The following UBE3A variants were observed in gnomAD, a reference collection of about 807,000 sequenced individuals.
UBE3A encodes the protein ubiquitin protein ligase E3A.
In UBE3A, 6 loss-of-function variants were observed where a neutral mutation model predicts 83.4. That is an observed-to-expected ratio of 0.07 (90% CI 0.04 to 0.14). The LOEUF (loss-of-function observed/expected upper bound fraction) is 0.14, where lower values mean the gene tolerates loss of function less well. Among genes scored for constraint, UBE3A ranks in the 10% least tolerant of loss-of-function variants. The pLI is 1.00. For missense variants in UBE3A, 456 were observed against 1,036.1 expected (o/e 0.44, Z 7.69); for synonymous variants, 337 against 355.4 (o/e 0.95, Z 0.58).
chr15:25,431,333 A>G (rs570638650), intron 1 of UBE3A, among the ~76,000 whole-genome samples: 43 of 152,100 alleles, frequency 2.8e-4, no homozygotes, highest in Non-Finnish European at 4.7e-4. Context: ...GATCTTAAAC[A>G]GCATATTTTC....
At chr15:25,386,489 A>C (rs191625936) in intron 4 of UBE3A, among the ~76,000 whole-genome samples, 122 of 152,340 alleles carry the variant, frequency 8.0e-4, no homozygotes, top group East Asian at 3.9e-4. Flanking sequence ...TGAAAATCCT[A>C]AGAACCAAAA....
At position 25,438,970 on chromosome 15, in the gene UBE3A, C is replaced by G. The variant is rs2153196403; in HGVS notation, c.-646G>C. ...TCCTGTAGTCACCCCGAGCCCAGCG[C>G]CACCATCTTGGGAGACACACGGATC... On this transcript the variant is annotated 5_prime_UTR_variant, in exon 1 of 13. Transcript: ENST00000648336. The G allele has an allele frequency of 6.6e-6, 1 of 152,252 alleles. No homozygotes were observed. Among genetic ancestry groups the G allele is most frequent in the South Asian group, 2.1e-4 (1 of 4,830 alleles). 9.4% of individuals were successfully genotyped at this position (152,252 alleles called of 1,614,324 possible). A position where few individuals can be genotyped will look rare whatever the true frequency, so the allele number is the denominator to read the frequency against.
intron 4 of UBE3A, among the ~76,000 whole-genome samples, chr15:25,392,883 A>T (rs545428800): frequency 6.6e-6 from 1 of 152,314 alleles, no homozygotes; most frequent in East Asian, 1.9e-4. Context: ...ATGATAAGTA[A>T]TTCTTTTTTT....
Position 25,356,060 on chromosome 15 carries a change from G to A in UBE3A, c.1960-4C>T. Reference sequence around the variant, plus strand: ...CTTTTAAACTCTGATATAGAACCTAGCAACCAGAAATGGTAAATTGAGGCC... The same window carrying A: ...CTTTTAAACTCTGATATAGAACCTAACAACCAGAAATGGTAAATTGAGGCC... On this transcript the variant is annotated splice_region_variant and splice_polypyrimidine_tract_variant and intron_variant, in intron 8 of 12. Coordinates refer to ENST00000648336, the MANE Select transcript of UBE3A (RefSeq NM_130839.5). The A allele has an allele frequency of 1.9e-6, 3 of 1,613,476 alleles. No homozygotes were observed. Among genetic ancestry groups the A allele is most frequent in the Non-Finnish European group, 2.5e-6 (3 of 1,179,728 alleles).
intron 3 of UBE3A, among the ~76,000 whole-genome samples, chr15:25,406,657 T>G (rs2088620085): frequency 6.6e-6 from 1 of 150,840 alleles, no homozygotes; most frequent in Non-Finnish European, 1.5e-5. Context: ...CTTCCAACTT[T>G]AAGCAACTCT....
intron 6 of UBE3A, among the ~76,000 whole-genome samples, chr15:25,365,751 A>AC (rs1290709809): frequency 3.3e-5 from 5 of 151,616 alleles, no homozygotes; most frequent in African/African-American, 1.2e-4. Context: ...CCGTCTAAAA[A>AC]AAAAAAAAAA....
chr15:25,352,364 T>C (rs553660638), intron 11 of UBE3A, among the ~76,000 whole-genome samples: 24 of 152,360 alleles, frequency 1.6e-4, no homozygotes, highest in African/African-American at 5.8e-4. Flanking sequence ...ACCCCAGAGA[T>C]ACTGCCGGTT....
chr15:25,401,185 T>C (rs2086989441), intron 4 of UBE3A, among the ~76,000 whole-genome samples: 1 of 152,192 alleles, frequency 6.6e-6, no homozygotes, highest in African/African-American at 2.4e-5. Context: ...TAAATGATCC[T>C]TCTAATACAC....
At chr15:25,375,235 A>T (rs933497681) in intron 5 of UBE3A, 2 of 534,420 alleles carry the variant, frequency 3.7e-6, no homozygotes, top group African/African-American at 1.9e-5. Context: ...AAAAAGTTCA[A>T]ATCAATCTAT....
chr15:25,350,282 CAG>C (rs909223104), intron 11 of UBE3A, among the ~76,000 whole-genome samples: 3 of 150,978 alleles, frequency 2.0e-5, no homozygotes, highest in East Asian at 1.9e-4. Flanking sequence ...GCCTGGATGA[CAG>C]AGACTTTGTC....
At position 25,380,250 on chromosome 15, in the gene UBE3A, T is replaced by C. The variant is rs535677915; in HGVS notation, c.63-4487A>G. 2.4e-4 allele frequency among the ~76,000 whole-genome samples: 36 copies of C among 152,218 alleles called. No homozygotes were observed. The East Asian group carries it at 2.7e-3, about 11-fold the overall frequency. On this transcript the variant is annotated intron_variant, in intron 4 of 12. Coordinates refer to ENST00000648336, the MANE Select transcript of UBE3A (RefSeq NM_130839.5). ...AGTCCAATTAAACTTCTTTTTTTTT[T>C]CCCAGTCTCAGGTACGTCTTTATCA...
chr15:25,389,932 AG>A (rs1036362547), intron 4 of UBE3A, among the ~76,000 whole-genome samples: 1 of 152,002 alleles, frequency 6.6e-6, no homozygotes, highest in Non-Finnish European at 1.5e-5. Context: ...AGACAGTGTA[AG>A]GAACTCTTAA....
rs116472569 is a variant in UBE3A, at chr15:25,435,550, G to T, written c.-165+2939C>A. ...TAATGGAATTAATGCCTCTATAAAA[G>T]AGGCCCTATAGAGCCCCGTCTACTC... On this transcript the variant is annotated intron_variant, in intron 1 of 12. Transcript: ENST00000648336. 7.2e-3 allele frequency among the ~76,000 whole-genome samples: 1,101 copies of T among 152,176 alleles called. 16 individuals carry two copies. Among genetic ancestry groups the T allele is most frequent in the African/African-American group, 0.026 (1,059 of 41,502 alleles).
intron 1 of UBE3A, among the ~76,000 whole-genome samples, chr15:25,436,059 C>T (rs1894988778): frequency 1.3e-5 from 2 of 152,164 alleles, no homozygotes; most frequent in South Asian, 4.2e-4. Context: ...ATTAATAAGG[C>T]CAGAATTAAA....
intron 1 of UBE3A, among the ~76,000 whole-genome samples, chr15:25,429,073 T>C (rs1014632354): frequency 6.6e-6 from 1 of 152,088 alleles, no homozygotes; most frequent in Non-Finnish European, 1.5e-5. Context: ...CCTCAAAAAC[T>C]TGATACTGAG....
At chr15:25,396,791 T>A (rs1331304197) in intron 4 of UBE3A, among the ~76,000 whole-genome samples, 1 of 152,216 alleles carries the variant, frequency 6.6e-6, no homozygotes, top group Non-Finnish European at 1.5e-5. Flanking sequence ...TAATAATTTT[T>A]TTTTTTACTA....
At chr15:25,356,583 G>T in intron 8 of UBE3A, 108 bp downstream of exon 8, 1 of 1,065,638 alleles carries the variant, frequency 9.4e-7, no homozygotes, top group Non-Finnish European at 1.4e-6. Flanking sequence ...ATTGATAAGA[G>T]TATCAACAAA....
intron 4 of UBE3A, among the ~76,000 whole-genome samples, chr15:25,378,046 T>G (rs1275173236): frequency 6.6e-6 from 1 of 152,198 alleles, no homozygotes; most frequent in Non-Finnish European, 1.5e-5. Flanking sequence ...GCTACTTGCA[T>G]ATTAAAAATT....
chr15:25,382,071 C>T (rs987367401), intron 4 of UBE3A, among the ~76,000 whole-genome samples: 3 of 152,196 alleles, frequency 2.0e-5, no homozygotes, highest in African/African-American at 7.2e-5. Context: ...CTAATCCCAG[C>T]ACTTTGGGAG....
Sources: gnomAD v4.1 joint callset for allele counts (sites outside exome capture counted in the v4.1 genomes callset) on GRCh38, gnomAD v4.1.1 for gene constraint, MANE v1.5 for transcripts, NCBI Gene and HGNC (gene_info 2026-07-23, HGNC 2026-07-21) for gene names.